SLC7A2: variants seen among roughly 807,000 people sequenced by gnomAD.
The protein encoded by SLC7A2 is solute carrier family 7 member 2.
SLC7A2 carries 48 observed loss-of-function variants against 58.9 expected under a neutral mutation model. That is an observed-to-expected ratio of 0.82 (90% CI 0.65 to 1.04). SLC7A2 has a LOEUF of 1.04. SLC7A2 is among the 50% of genes least tolerant of loss of function. SLC7A2 has a pLI of 0.00. For synonymous variants in SLC7A2, 363 were observed against 314.5 expected, an observed-to-expected ratio of 1.15 and a Z score of -1.63; for missense variants, 1,029 against 818.8, an observed-to-expected ratio of 1.26 and a Z score of -3.13.
chr8:17,551,205 G>A (rs777548722), intron 6 of SLC7A2, among the ~76,000 whole-genome samples: 6 of 152,092 alleles, frequency 3.9e-5, no homozygotes, highest in African/African-American at 7.2e-5. Context: ...CTTTCCTGGC[G>A]ATAGGAAACT....
chr8:17,554,614 T>C lies in SLC7A2; in HGVS notation c.1110T>C (p.Asp370=), dbSNP rs780824016. The C allele has an allele frequency of 5.6e-6, 9 of 1,613,526 alleles. No homozygotes were observed. Among genetic ancestry groups the C allele is most frequent in the Non-Finnish European group, 7.6e-6 (9 of 1,179,876 alleles). ...GTGTAATCTATGCTATGGCGGAGGA[T>C]GGGTTGCTTTTCAAATGTCTAGCTC... ...MPRVIYAMAE[D]GLLFKCLAQI... is the part of the protein sequence containing the mutation. The change falls in exon 8 of 13, where the codon GAT becomes GAC. Residue 370 remains aspartate (D), a synonymous_variant. Coordinates refer to ENST00000494857, the MANE Select transcript of SLC7A2 (RefSeq NM_001370338.1).
chr8:17,548,970 A>G (rs1802312159), intron 5 of SLC7A2, 127 bp downstream of exon 5: 2 of 800,398 alleles, frequency 2.5e-6, no homozygotes, highest in Admixed American at 2.7e-5. Context: ...AAGGAAAAAG[A>G]GATTTAATGG....
chr8:17,547,306 G>A (rs1054319643), intron 4 of SLC7A2, among the ~76,000 whole-genome samples: 4 of 152,024 alleles, frequency 2.6e-5, no homozygotes, highest in Non-Finnish European at 5.9e-5. Flanking sequence ...AAAACCATCA[G>A]ATCTCATGAG....
intron 2 of SLC7A2, among the ~76,000 whole-genome samples, chr8:17,531,874 A>G (rs1801463856): frequency 1.3e-5 from 2 of 152,116 alleles, no homozygotes; most frequent in South Asian, 4.1e-4. Context: ...GAAGTGACTG[A>G]TTAAATAAAT....
intron 2 of SLC7A2, chr8:17,539,027 A>C (rs1189189224): frequency 2.0e-6 from 2 of 984,420 alleles, no homozygotes; most frequent in Non-Finnish European, 3.1e-6. Flanking sequence ...TAAGTGACTC[A>C]ATGCAACTTC....
intron 6 of SLC7A2, 111 bp from the exon 7 acceptor site, chr8:17,551,653 C>CA (rs1377279511): frequency 1.3e-6 from 1 of 780,818 alleles, no homozygotes; most frequent in Non-Finnish European, 2.2e-6. Context: ...AGAAAAGGGA[C>CA]AAAAGCAGAG....
chr8:17,517,169 T>C (rs962120104), intron 2 of SLC7A2, among the ~76,000 whole-genome samples: 1 of 152,206 alleles, frequency 6.6e-6, no homozygotes, highest in Non-Finnish European at 1.5e-5. Flanking sequence ...TAATGTTGAC[T>C]TTAACTGACT....
chr8:17,542,063 T>G (rs114196451), intron 2 of SLC7A2, among the ~76,000 whole-genome samples: 1,550 of 152,332 alleles, frequency 0.01, 20 homozygotes, highest in African/African-American at 0.035. Context: ...AATAAGCATG[T>G]GTATTTTAGT....
At chr8:17,514,714 GA>G (rs1406583184) in intron 2 of SLC7A2, among the ~76,000 whole-genome samples, 1 of 152,074 alleles carries the variant, frequency 6.6e-6, no homozygotes, top group Non-Finnish European at 1.5e-5. Context: ...ATGTCTTATA[GA>G]AATGTTCAAT....
At chr8:17,538,711 G>T in intron 2 of SLC7A2, 2 of 1,264,936 alleles carry the variant, frequency 1.6e-6, no homozygotes, top group South Asian at 1.4e-5. Flanking sequence ...AAAAGATCTA[G>T]GGCAAAAACA....
intron 8 of SLC7A2, among the ~76,000 whole-genome samples, chr8:17,555,683 A>G (rs753500028): frequency 2.6e-5 from 4 of 151,878 alleles, no homozygotes; most frequent in Non-Finnish European, 5.9e-5. Flanking sequence ...ATCCTCTCCA[A>G]CTCCATCAGG....
rs527529107 is a variant in SLC7A2 at position 17,522,412 on chromosome 8, C to A, written c.-23+20110C>A. On this transcript the variant is annotated intron_variant, in intron 2 of 12. Transcript: ENST00000494857. The stretch of plus-strand genomic sequence containing the variant: ...GGGTGGGGACACAGCCAAATCATGT[C>A]AACTTGGCCATGCTGACTACAAGAA... 2.3e-3 allele frequency among the ~76,000 whole-genome samples: 350 copies of A among 152,260 alleles called. 5 individuals are homozygous for A. The highest frequency in any genetic ancestry group is 8.0e-3 in the African/African-American group (332 of 41,544).
intron 12 of SLC7A2, 31 bp from the exon 13 acceptor site, chr8:17,564,919 A>T (rs1803191928): frequency 6.6e-7 from 1 of 1,518,692 alleles, no homozygotes; most frequent in Non-Finnish European, 8.9e-7. Context: ...CATACCTGAA[A>T]CATTGATTTT....
intron 8 of SLC7A2, among the ~76,000 whole-genome samples, chr8:17,555,675 C>G (rs1802665034): frequency 6.6e-6 from 1 of 152,128 alleles, no homozygotes; most frequent in Admixed American, 6.5e-5. Context: ...ACATACATAT[C>G]CTCTCCAACT....
intron 2 of SLC7A2, among the ~76,000 whole-genome samples, chr8:17,502,840 A>G (rs201551949): frequency 2.6e-5 from 4 of 152,120 alleles, no homozygotes; most frequent in Admixed American, 6.5e-5. Context: ...CTATAATACC[A>G]TGATTGGTTC....
chr8:17,553,542 G>A (rs1046935772), intron 7 of SLC7A2, among the ~76,000 whole-genome samples: 6 of 152,164 alleles, frequency 3.9e-5, no homozygotes, highest in Non-Finnish European at 2.9e-5. Flanking sequence ...ACACCGAGGC[G>A]GGAGGATCAC....
At chr8:17,553,211 C>G (rs1802532314) in intron 7 of SLC7A2, among the ~76,000 whole-genome samples, 1 of 152,084 alleles carries the variant, frequency 6.6e-6, no homozygotes, top group African/African-American at 2.4e-5. Flanking sequence ...AACACCATAC[C>G]TGGTTAATTT....
rs758769426 is a variant in SLC7A2, at chr8:17,543,372, C to G, written c.33C>G (p.Ala11=). The change falls in exon 3 of 13, where the codon GCC becomes GCG. Residue 11 remains alanine (A), a synonymous_variant. Coordinates refer to ENST00000494857, the MANE Select transcript of SLC7A2 (RefSeq NM_001370338.1). MIPCRAALTF[A]RCLIRRKIVT... is the part of the protein sequence containing the mutation. ...CTTGCAGAGCCGCGCTGACCTTTGC[C>G]CGATGTCTGATCCGGAGAAAAATCG... is the stretch of plus-strand genomic sequence containing the variant. 1 of 1,614,068 alleles carries G rather than the reference C, an allele frequency of 6.2e-7. No individual in the cohort carries two copies. Among genetic ancestry groups the G allele is most frequent in the Non-Finnish European group, 8.5e-7 (1 of 1,180,000 alleles).
intron 2 of SLC7A2, among the ~76,000 whole-genome samples, chr8:17,537,280 A>G (rs1021347246): frequency 6.6e-6 from 1 of 151,262 alleles, no homozygotes; most frequent in Non-Finnish European, 1.5e-5. Context: ...TGGTCTCAAA[A>G]CTCCTGACCT....
Sources: allele counts gnomAD v4.1 joint callset (sites outside exome capture counted in the v4.1 genomes callset), GRCh38; gene constraint gnomAD v4.1.1; transcripts MANE v1.5; gene names NCBI Gene and HGNC (gene_info 2026-07-23, HGNC 2026-07-21).